BABAM2: variants seen among roughly 807,000 people sequenced by gnomAD.
BABAM2 encodes BRISC and BRCA1-A complex member 2.
Under a neutral mutation model 54.7 loss-of-function variants are expected in BABAM2, and 31 were observed. That is an observed-to-expected ratio of 0.57 (90% confidence interval 0.43 to 0.77). The LOEUF (loss-of-function observed/expected upper bound fraction) is 0.77, where lower values mean the gene tolerates loss of function less well. Ranked by LOEUF, BABAM2 falls within the 30% of genes least tolerant of loss-of-function variation. BABAM2 has a pLI of 0.00. For missense variants in BABAM2, 364 were observed against 455.8 expected, an observed-to-expected ratio of 0.80 and a Z score of 1.83; for synonymous variants, 167 against 162.9, an observed-to-expected ratio of 1.03 and a Z score of -0.19.
chr2:28,163,818 T>C (rs1673349810), intron 7 of BABAM2, among the ~76,000 whole-genome samples: 1 of 152,188 alleles, frequency 6.6e-6, no homozygotes. Flanking sequence ...TAATGTGATC[T>C]ATCGTCATGG....
chr2:27,899,525 A>G lies in BABAM2; in HGVS notation c.128+4841A>G, dbSNP rs201021278. 2.7e-5 allele frequency among the ~76,000 whole-genome samples: 4 copies of G among 148,948 alleles called. No homozygotes were observed. The East Asian group carries it at 7.9e-4, about 30-fold the overall frequency. ...GTTTCGCTCTTGTTGCCCAGGCTGG[A>G]GGGCAATGGCGCGATCTTGGCTCCT... is the stretch of plus-strand genomic sequence containing the variant. On this transcript the variant is annotated intron_variant, in intron 2 of 11. Coordinates refer to ENST00000379624, the MANE Select transcript of BABAM2 (RefSeq NM_199191.3).
intron 11 of BABAM2, among the ~76,000 whole-genome samples, chr2:28,326,889 CT>C (rs1017635453): frequency 6.6e-6 from 1 of 151,254 alleles, no homozygotes; most frequent in Non-Finnish European, 1.5e-5. Flanking sequence ...CTTCCCCTTC[CT>C]TGTAATGTTT....
At chr2:28,141,264 C>T (rs1671030256) in intron 7 of BABAM2, among the ~76,000 whole-genome samples, 1 of 151,978 alleles carries the variant, frequency 6.6e-6, no homozygotes, top group Non-Finnish European at 1.5e-5. Flanking sequence ...TCAAATAATG[C>T]TTGGTGTGTG....
At chr2:28,122,266 C>T (rs186468587) in intron 6 of BABAM2, among the ~76,000 whole-genome samples, 9 of 152,090 alleles carry the variant, frequency 5.9e-5, no homozygotes, top group East Asian at 3.9e-4. Context: ...TTTGGTTACT[C>T]GAGGAATTAC....
chr2:28,311,854 C>G (rs894772159), intron 11 of BABAM2, among the ~76,000 whole-genome samples: 29 of 152,164 alleles, frequency 1.9e-4, no homozygotes, highest in Non-Finnish European at 1.3e-4. Flanking sequence ...TTAAGTACAC[C>G]GTGTACGTGA....
intron 2 of BABAM2, among the ~76,000 whole-genome samples, chr2:27,927,125 C>T (rs1163793201): frequency 6.6e-6 from 1 of 152,116 alleles, no homozygotes; most frequent in Non-Finnish European, 1.5e-5. Context: ...GTTGCTGGAA[C>T]CAGCTGTTGA....
At chr2:28,330,778 A>G (rs1021577947) in intron 11 of BABAM2, among the ~76,000 whole-genome samples, 3 of 152,226 alleles carry the variant, frequency 2.0e-5, no homozygotes, top group Non-Finnish European at 2.9e-5. Context: ...TATAGATTCA[A>G]TGCTTTTCCC....
intron 11 of BABAM2, among the ~76,000 whole-genome samples, chr2:28,328,217 A>G (rs921980810): frequency 6.6e-6 from 1 of 152,184 alleles, no homozygotes; most frequent in East Asian, 1.9e-4. Flanking sequence ...GTTCAGGACA[A>G]TGAGGACAAG....
intron 2 of BABAM2, among the ~76,000 whole-genome samples, chr2:27,927,838 G>GTTTTTTTTTTTTTTTTTTTTT (rs376186465): frequency 3.7e-5 from 5 of 135,768 alleles, no homozygotes; most frequent in Non-Finnish European, 6.2e-5. Flanking sequence ...TAAAGTTTCT[G>GTTTTTTTTTTTTTTTTTTTTT]TTTTTTTTTT....
At chr2:28,096,377 CAA>C (rs10594441) in intron 6 of BABAM2, among the ~76,000 whole-genome samples, 64,559 of 139,486 alleles carry the variant, frequency 0.46, 14,592 homozygotes, top group South Asian at 0.62. Flanking sequence ...TGTTGATCAG[CAA>C]AAAAAAAAAA....
intron 3 of BABAM2, among the ~76,000 whole-genome samples, chr2:27,967,042 C>G (rs570746397): frequency 6.6e-6 from 1 of 152,238 alleles, no homozygotes; most frequent in Non-Finnish European, 1.5e-5. Flanking sequence ...GAATAGATAT[C>G]AAAAATTTCA....
chr2:28,000,300 A>G (rs1673487607), intron 4 of BABAM2, among the ~76,000 whole-genome samples: 4 of 151,686 alleles, frequency 2.6e-5, no homozygotes. Context: ...CTTGTTTTTG[A>G]TAACTTTGAT....
At chr2:28,205,694 C>G (rs541241977) in intron 7 of BABAM2, among the ~76,000 whole-genome samples, 1 of 151,986 alleles carries the variant, frequency 6.6e-6, no homozygotes, top group East Asian at 1.9e-4. Context: ...CAATTAGGTC[C>G]CAAACCTTCT....
chr2:27,903,586 A>T (rs1246387542), intron 2 of BABAM2, among the ~76,000 whole-genome samples: 1 of 152,194 alleles, frequency 6.6e-6, no homozygotes, highest in African/African-American at 2.4e-5. Context: ...CCCCCTTCTC[A>T]TTAGGGGATA....
rs1243216288 is a variant in BABAM2 at position 28,175,035 on chromosome 2, G to A, written c.680+45655G>A. Among the ~76,000 whole-genome samples the A allele has an allele frequency of 9.2e-5, 14 of 152,274 alleles. No homozygotes were observed. The South Asian group carries it at 2.9e-3, about 32-fold the overall frequency. On this transcript the variant is annotated intron_variant, in intron 7 of 11. Transcript: ENST00000379624. ...GCTTCCCAGAGCCCAAAACCTATCT[G>A]CCTAAAGCTATTGCCACTGACAGCA...
intron 7 of BABAM2, among the ~76,000 whole-genome samples, chr2:28,201,427 T>C (rs1213770487): frequency 2.0e-5 from 3 of 152,142 alleles, no homozygotes; most frequent in African/African-American, 7.2e-5. Flanking sequence ...TATATATGGA[T>C]CTTCAAGTGG....
chr2:28,049,315 G>A (rs1391904698), intron 6 of BABAM2, among the ~76,000 whole-genome samples: 4 of 152,154 alleles, frequency 2.6e-5, no homozygotes, highest in Non-Finnish European at 5.9e-5. Context: ...TACTGGATAT[G>A]GCAAATATAA....
At chr2:27,923,780 G>A (rs993962167) in intron 2 of BABAM2, among the ~76,000 whole-genome samples, 9 of 152,142 alleles carry the variant, frequency 5.9e-5, no homozygotes, top group Non-Finnish European at 1.0e-4. Context: ...AGACCAGCCT[G>A]GGCAACATGG....
intron 7 of BABAM2, among the ~76,000 whole-genome samples, chr2:28,218,610 A>T (rs1680123278): frequency 6.6e-6 from 1 of 151,952 alleles, no homozygotes; most frequent in African/African-American, 2.4e-5. Context: ...TTGTCCCGGG[A>T]TTGGTGATGT....
Sources: gnomAD v4.1 joint callset for allele counts (sites outside exome capture counted in the v4.1 genomes callset) on GRCh38, gnomAD v4.1.1 for gene constraint, MANE v1.5 for transcripts, NCBI Gene and HGNC (gene_info 2026-07-23, HGNC 2026-07-21) for gene names.